The following SOCS5 variants were observed in gnomAD, a reference collection of about 807,000 sequenced individuals.
The protein encoded by SOCS5 is CIS-6.
A neutral mutation model predicts 42.8 loss-of-function variants in SOCS5; 32 were observed. The observed-to-expected ratio is 0.75, with a 90% CI of 0.56 to 1.01. SOCS5 has a LOEUF of 1.01. Among genes scored for constraint, SOCS5 ranks in the 50% least tolerant of loss-of-function variants. The pLI, the probability that SOCS5 is intolerant of heterozygous loss-of-function variation, is 0.00. For synonymous variants in SOCS5, 283 were observed against 229.6 expected, an observed-to-expected ratio of 1.23 and a Z score of -2.10; for missense variants, 627 against 653.0, an observed-to-expected ratio of 0.96 and a Z score of 0.43.
intron 1 of SOCS5, among the ~76,000 whole-genome samples, chr2:46,706,664 A>G (rs1017295225): frequency 6.6e-6 from 1 of 152,206 alleles, no homozygotes; most frequent in Non-Finnish European, 1.5e-5. Flanking sequence ...AGTCACCAGA[A>G]TAGGAGTCCA....
At position 46,760,339 on chromosome 2, in the gene SOCS5, A is replaced by G. The variant is rs1673838124; in HGVS notation, c.*198A>G. 1.9e-6 allele frequency: 1 copy of G among 531,808 alleles called. No homozygotes were observed. Among genetic ancestry groups the G allele is most frequent in the South Asian group, 3.2e-5 (1 of 30,794 alleles). 32.9% of individuals were successfully genotyped at this position (531,808 alleles called of 1,614,324 possible). On this transcript the variant is annotated 3_prime_UTR_variant, in exon 2 of 2. Transcript: ENST00000394861. ...TTGGAACAATAGCGGATAGAGCTACAGGTGTTCAGTAAGACTACAAAAACA... is the reference window on the plus strand; with the variant it reads ...TTGGAACAATAGCGGATAGAGCTACGGGTGTTCAGTAAGACTACAAAAACA...
At chr2:46,733,650 A>T (rs917728988) in intron 1 of SOCS5, among the ~76,000 whole-genome samples, 6 of 152,184 alleles carry the variant, frequency 3.9e-5, no homozygotes. Flanking sequence ...ATTCAAGGTT[A>T]AAAAAAGCTA....
intron 1 of SOCS5, among the ~76,000 whole-genome samples, chr2:46,750,316 A>T (rs566758459): frequency 6.6e-6 from 1 of 152,276 alleles, no homozygotes; most frequent in South Asian, 2.1e-4. Context: ...AATTGTGTGG[A>T]TAAAACTTAG....
At chr2:46,709,234 C>T (rs894675514) in intron 1 of SOCS5, among the ~76,000 whole-genome samples, 2 of 152,148 alleles carry the variant, frequency 1.3e-5, no homozygotes, top group East Asian at 1.9e-4. Flanking sequence ...GCCTCTTTAC[C>T]TTTCCAGCCC....
rs961804522 is a variant in SOCS5, at chr2:46,746,377, C to T, written c.-12-12142C>T. Among the ~76,000 whole-genome samples, 7 of 152,048 alleles carry T rather than the reference C, an allele frequency of 4.6e-5. 1 individual carries two copies. The highest frequency in any genetic ancestry group is 7.3e-5 in the African/African-American group (3 of 41,362). On this transcript the variant is annotated intron_variant, in intron 1 of 1. Transcript: ENST00000394861. ...GGAGTATAGAAATATTCCATCAGGG[C>T]CGGGTGGCTCACGCCTGTAATCCCA...
Position 46,759,690 on chromosome 2 carries a change from A to G in SOCS5, c.1160A>G (p.Asp387Gly). 6.2e-7 allele frequency: 1 copy of G among 1,614,066 alleles called. No homozygotes were observed. The highest frequency in any genetic ancestry group is 8.5e-7 in the Non-Finnish European group (1 of 1,179,996). The stretch of plus-strand genomic sequence containing the variant: ...AATCCCTGTTACTGGGGAGTGATGG[A>G]CCGTTATGAAGCAGAAGCCCTTCTC... ...TGNPCYWGVM[D>G]RYEAEALLEG... Residue 387 changes from aspartate (D) to glycine (G), a missense_variant, in exon 2 of 2, where the codon GAC becomes GGC. Transcript: ENST00000394861.
At chr2:46,734,979 G>A (rs765687618) in intron 1 of SOCS5, among the ~76,000 whole-genome samples, 2 of 152,016 alleles carry the variant, frequency 1.3e-5, no homozygotes, top group Non-Finnish European at 2.9e-5. Context: ...ATGCCTTTGC[G>A]GTATCTGCCT....
chr2:46,735,989 C>G (rs990286864), intron 1 of SOCS5, among the ~76,000 whole-genome samples: 28 of 151,608 alleles, frequency 1.8e-4, no homozygotes, highest in Admixed American at 1.3e-3. Context: ...AACCATTTCT[C>G]TCTCTCCCCC....
intron 1 of SOCS5, among the ~76,000 whole-genome samples, chr2:46,729,574 C>T (rs749405265): frequency 1.6e-4 from 25 of 152,256 alleles, no homozygotes; most frequent in Middle Eastern, 6.8e-3. Context: ...CATCTATACA[C>T]AAAGGGTACA....
chr2:46,757,363 A>G (rs942263153), intron 1 of SOCS5, among the ~76,000 whole-genome samples: 10 of 152,232 alleles, frequency 6.6e-5, no homozygotes, highest in Non-Finnish European at 1.5e-4. Context: ...TGAACTAGAC[A>G]GTGTGCCTGT....
chr2:46,716,998 A>G (rs1251971941), intron 1 of SOCS5, among the ~76,000 whole-genome samples: 1 of 152,104 alleles, frequency 6.6e-6, no homozygotes, highest in Non-Finnish European at 1.5e-5. Flanking sequence ...TGTGAACTCT[A>G]AATCGTTGGA....
Position 46,706,996 on chromosome 2 carries a change from A to T in SOCS5, c.-13+7547A>T, listed in dbSNP as rs41494744. 1.4e-3 allele frequency among the ~76,000 whole-genome samples: 215 copies of T among 152,342 alleles called. 1 individual carries two copies. Among genetic ancestry groups the T allele is most frequent in the Admixed American group, 2.7e-3 (41 of 15,302 alleles). On this transcript the variant is annotated intron_variant, in intron 1 of 1. Coordinates refer to ENST00000394861, the MANE Select transcript of SOCS5 (RefSeq NM_144949.3). Reference sequence around the variant, plus strand: ...AAGTATATGTAAAAATGCTTTAAAAATTTTTAAATGCTGTACAAATGAGGA... The same window carrying T: ...AAGTATATGTAAAAATGCTTTAAAATTTTTTAAATGCTGTACAAATGAGGA...
At chr2:46,707,437 G>A (rs1672521077) in intron 1 of SOCS5, among the ~76,000 whole-genome samples, 2 of 152,176 alleles carry the variant, frequency 1.3e-5, no homozygotes, top group Admixed American at 6.5e-5. Flanking sequence ...CTCATAAAAT[G>A]AAATAAGCTG....
At chr2:46,711,615 A>C (rs1027486401) in intron 1 of SOCS5, among the ~76,000 whole-genome samples, 9 of 152,142 alleles carry the variant, frequency 5.9e-5, no homozygotes, top group African/African-American at 1.9e-4. Context: ...AAAAGTTTTG[A>C]ATTTAGTGGT....
At chr2:46,706,828 C>T (rs1388261243) in intron 1 of SOCS5, among the ~76,000 whole-genome samples, 1 of 152,002 alleles carries the variant, frequency 6.6e-6, no homozygotes, top group Non-Finnish European at 1.5e-5. Context: ...GGATTGCAGG[C>T]AGAGGGAATA....
At chr2:46,750,410 G>A (rs1673598186) in intron 1 of SOCS5, among the ~76,000 whole-genome samples, 1 of 151,954 alleles carries the variant, frequency 6.6e-6, no homozygotes, top group Admixed American at 6.6e-5. Context: ...TTGGAGAGTA[G>A]GATTGCAGGG....
At chr2:46,729,458 C>T (rs1020298734) in intron 1 of SOCS5, among the ~76,000 whole-genome samples, 3 of 152,190 alleles carry the variant, frequency 2.0e-5, no homozygotes, top group Admixed American at 6.5e-5. Context: ...ACACCTAGGC[C>T]GTATAGCGTA....
intron 1 of SOCS5, among the ~76,000 whole-genome samples, chr2:46,749,387 T>G (rs987498560): frequency 2.0e-5 from 3 of 152,210 alleles, no homozygotes; most frequent in Admixed American, 6.5e-5. Context: ...GGCCGAGACT[T>G]AGGTCTCTAA....
At chr2:46,728,745 G>A (rs1673047988) in intron 1 of SOCS5, among the ~76,000 whole-genome samples, 1 of 152,134 alleles carries the variant, frequency 6.6e-6, no homozygotes, top group Admixed American at 6.6e-5. Flanking sequence ...TAGTAGAGAT[G>A]GGGCTTCTCC....
Sources: allele counts gnomAD v4.1 joint callset (sites outside exome capture counted in the v4.1 genomes callset), GRCh38; gene constraint gnomAD v4.1.1; transcripts MANE v1.5; gene names NCBI Gene and HGNC (gene_info 2026-07-23, HGNC 2026-07-21).